The following CTNNA2 variants were observed in gnomAD, a reference collection of about 807,000 sequenced individuals.
CTNNA2 encodes catenin alpha-2.
In CTNNA2, 42 loss-of-function variants were observed where a neutral mutation model predicts 101.0. The ratio of observed to expected loss-of-function variants is 0.42; its 90% CI spans 0.32 to 0.54. The LOEUF (loss-of-function observed/expected upper bound fraction) is 0.54. CTNNA2 is among the 20% of genes least tolerant of loss of function. The pLI is 0.14. For synonymous variants in CTNNA2, 450 were observed against 456.4 expected, an observed-to-expected ratio of 0.99 and a Z score of 0.18; for missense variants, 871 against 1,223.1, an observed-to-expected ratio of 0.71 and a Z score of 4.29.
Position 80,121,781 on chromosome 2 carries a change from A to G in CTNNA2, c.1056+211984A>G, listed in dbSNP as rs796346636. ...AGTAAAATCTAACCCGGATGAATCA[A>G]CCCCATAGAAGATTACTGAATATCC... is the stretch of plus-strand genomic sequence containing the variant. On this transcript the variant is annotated intron_variant, in intron 7 of 18. Coordinates refer to ENST00000402739, the MANE Select transcript of CTNNA2 (RefSeq NM_001282597.3). 1.3e-3 allele frequency among the ~76,000 whole-genome samples: 205 copies of G among 152,270 alleles called. 1 individual carries two copies. Among genetic ancestry groups the G allele is most frequent in the African/African-American group, 4.7e-3 (197 of 41,564 alleles).
At chr2:80,583,771 A>G (rs184123256) in intron 14 of CTNNA2, among the ~76,000 whole-genome samples, 30 of 152,264 alleles carry the variant, frequency 2.0e-4, no homozygotes, top group Admixed American at 7.9e-4. Context: ...CATTTACATT[A>G]GACTTCAAGT....
chr2:79,675,679 G>A (rs181068172), intron 2 of CTNNA2, among the ~76,000 whole-genome samples: 4 of 152,234 alleles, frequency 2.6e-5, no homozygotes, highest in East Asian at 1.9e-4. Flanking sequence ...TAAAAACACC[G>A]AATGGAAGTC....
At chr2:80,254,141 C>A (rs1671964903) in intron 7 of CTNNA2, among the ~76,000 whole-genome samples, 1 of 152,088 alleles carries the variant, frequency 6.6e-6, no homozygotes, top group African/African-American at 2.4e-5. Flanking sequence ...TGTTCTTCAA[C>A]TCTATCTATA....
intron 2 of CTNNA2, among the ~76,000 whole-genome samples, chr2:79,215,160 C>T (rs1276509019): frequency 6.6e-6 from 1 of 152,184 alleles, no homozygotes. Flanking sequence ...GGAGTGGCTG[C>T]CAGGTGAGTT....
chr2:79,887,061 C>G (rs1270607067), intron 6 of CTNNA2, among the ~76,000 whole-genome samples: 2 of 152,040 alleles, frequency 1.3e-5, no homozygotes, highest in African/African-American at 4.8e-5. Context: ...AAGTGATCTG[C>G]CCAACTCAGC....
intron 7 of CTNNA2, among the ~76,000 whole-genome samples, chr2:80,249,471 T>C (rs1573509302): frequency 6.6e-6 from 1 of 152,336 alleles, no homozygotes; most frequent in Non-Finnish European, 1.5e-5. Context: ...AATAGTGTAA[T>C]CATTGTAACC....
intron 7 of CTNNA2, among the ~76,000 whole-genome samples, chr2:80,189,547 T>C (rs1020985943): frequency 2.0e-5 from 3 of 152,194 alleles, no homozygotes; most frequent in South Asian, 4.1e-4. Flanking sequence ...ATTGAGTTCC[T>C]AGTAGCCTTC....
At position 79,527,892 on chromosome 2, in the gene CTNNA2, A is replaced by G. The variant is rs1041181873; in HGVS notation, c.-6+14685A>G. Among the ~76,000 whole-genome samples, 8 of 152,316 alleles carry G rather than the reference A, an allele frequency of 5.3e-5. 1 individual carries two copies. The South Asian group carries it at 6.2e-4, about 12-fold the overall frequency. On this transcript the variant is annotated intron_variant, in intron 1 of 18. Coordinates refer to ENST00000402739, the MANE Select transcript of CTNNA2 (RefSeq NM_001282597.3). ...TATCCATAGCAGCATTATTTATGAT[A>G]GCCAAAAAGTTGAAAAATCTGATGT...
chr2:79,679,462 C>T (rs981948271), intron 2 of CTNNA2, among the ~76,000 whole-genome samples: 1 of 152,064 alleles, frequency 6.6e-6, no homozygotes, highest in African/African-American at 2.4e-5. Context: ...TGGCTCACAC[C>T]TTTCACCATG....
At chr2:80,251,167 G>A (rs1671735140) in intron 7 of CTNNA2, among the ~76,000 whole-genome samples, 1 of 152,132 alleles carries the variant, frequency 6.6e-6, no homozygotes, top group African/African-American at 2.4e-5. Context: ...TAGTAGCACT[G>A]ATGCAGGGCT....
At chr2:80,367,591 A>C (rs918616072) in intron 7 of CTNNA2, among the ~76,000 whole-genome samples, 4 of 151,994 alleles carry the variant, frequency 2.6e-5, no homozygotes, top group Admixed American at 2.6e-4. Flanking sequence ...CAAATTGAAA[A>C]GTTGGTTGAG....
At chr2:80,117,678 A>G (rs1279707114) in intron 7 of CTNNA2, among the ~76,000 whole-genome samples, 1 of 152,116 alleles carries the variant, frequency 6.6e-6, no homozygotes, top group Non-Finnish European at 1.5e-5. Flanking sequence ...CATCTGGGGC[A>G]TTGAAAAGCA....
In CTNNA2 at chr2:80,281,293, C is replaced by T. The variant is rs143195822; in HGVS notation, c.1057-111918C>T. Among the ~76,000 whole-genome samples, 338 of 152,144 alleles carry T rather than the reference C, an allele frequency of 2.2e-3. 1 individual carries two copies. Among genetic ancestry groups the T allele is most frequent in the Non-Finnish European group, 3.3e-3 (225 of 68,000 alleles). ...AAGACTAGGTCTGTGCAGCCTGTGG[C>T]GTGCAGAAGTGACTCACTTCTGGAG... On this transcript the variant is annotated intron_variant, in intron 7 of 18. Transcript: ENST00000402739.
chr2:79,600,816 G>T (rs955682477), intron 1 of CTNNA2, among the ~76,000 whole-genome samples: 1 of 152,048 alleles, frequency 6.6e-6, no homozygotes, highest in African/African-American at 2.4e-5. Context: ...TTTCTGGTTT[G>T]TATACTGCCA....
chr2:79,736,183 C>T (rs1670862972), intron 2 of CTNNA2, among the ~76,000 whole-genome samples: 1 of 152,154 alleles, frequency 6.6e-6, no homozygotes, highest in African/African-American at 2.4e-5. Context: ...GCCTTTCTCT[C>T]TGATGTGTAC....
chr2:79,777,719 G>A (rs116461977), intron 3 of CTNNA2, among the ~76,000 whole-genome samples: 4,758 of 152,130 alleles, frequency 0.031, 111 homozygotes, highest in Middle Eastern at 0.11. Flanking sequence ...ATTCTAGGAT[G>A]GCAGAATTAT....
intron 1 of CTNNA2, among the ~76,000 whole-genome samples, chr2:79,564,327 A>C (rs1674975481): frequency 6.6e-6 from 1 of 151,444 alleles, no homozygotes; most frequent in African/African-American, 2.4e-5. Context: ...AATAAATGTC[A>C]ATGGGAAACT....
chr2:79,338,575 A>ATCTTCTTCTCCTTCT (rs1239699778), intron 3 of CTNNA2, among the ~76,000 whole-genome samples: 1 of 115,422 alleles, frequency 8.7e-6, no homozygotes, highest in South Asian at 3.3e-4. Context: ...CTTCCTCCTC[A>ATCTTCTTCTCCTTCT]TCATCTTCTT....
chr2:79,975,400 T>TC (rs1690764759), intron 7 of CTNNA2, among the ~76,000 whole-genome samples: 1 of 152,024 alleles, frequency 6.6e-6, no homozygotes, highest in African/African-American at 2.4e-5. Flanking sequence ...TGTGGGAGTT[T>TC]CCCCCCACAC....
Sources: gnomAD v4.1 joint callset for allele counts (sites outside exome capture counted in the v4.1 genomes callset) on GRCh38, gnomAD v4.1.1 for gene constraint, MANE v1.5 for transcripts, NCBI Gene and HGNC (gene_info 2026-07-23, HGNC 2026-07-21) for gene names.